Variants in MACROD2 observed in about 807,000 individuals in gnomAD.
MACROD2 encodes the protein mono-ADP ribosylhydrolase 2.
In MACROD2, 36 loss-of-function variants were observed where a neutral mutation model predicts 70.4. That is an observed-to-expected ratio of 0.51 (90% CI 0.39 to 0.68). The LOEUF is 0.68. MACROD2 is among the 30% of genes least tolerant of loss of function. MACROD2 has a pLI of 0.00. For synonymous variants in MACROD2, 172 were observed against 178.8 expected (o/e 0.96, Z 0.30); for missense variants, 496 against 538.4 (o/e 0.92, Z 0.78).
intron 5 of MACROD2, among the ~76,000 whole-genome samples, chr20:15,172,509 C>T (rs1287118830): frequency 6.6e-6 from 1 of 152,178 alleles, no homozygotes; most frequent in African/African-American, 2.4e-5. Flanking sequence ...GCCTCAGCCT[C>T]CTGAGTGGCT....
chr20:14,607,247 G>T (rs1982863998), intron 4 of MACROD2, among the ~76,000 whole-genome samples: 1 of 152,084 alleles, frequency 6.6e-6, no homozygotes, highest in African/African-American at 2.4e-5. Flanking sequence ...TGTAAAGGTG[G>T]CATCCAATAG....
At chr20:15,080,062 T>C (rs1218318653) in intron 5 of MACROD2, among the ~76,000 whole-genome samples, 1 of 142,784 alleles carries the variant, frequency 7.0e-6, no homozygotes, top group Non-Finnish European at 1.6e-5. Flanking sequence ...GCCTTAGCCA[T>C]ATTTTTTCTT....
intron 15 of MACROD2, among the ~76,000 whole-genome samples, chr20:16,007,004 A>G (rs1033100484): frequency 1.3e-5 from 2 of 152,228 alleles, no homozygotes; most frequent in African/African-American, 2.4e-5. Flanking sequence ...TACAATCACA[A>G]CTTAGAGGAA....
intron 3 of MACROD2, among the ~76,000 whole-genome samples, chr20:14,271,245 A>G (rs1208492489): frequency 2.6e-5 from 4 of 152,160 alleles, no homozygotes; most frequent in Non-Finnish European, 5.9e-5. Context: ...GGCACCCCCC[A>G]GTAGGGGCAG....
chr20:15,206,565 C>T (rs1272364385), intron 5 of MACROD2, among the ~76,000 whole-genome samples: 2 of 151,648 alleles, frequency 1.3e-5, no homozygotes, highest in African/African-American at 4.9e-5. Context: ...TCTATTTTCC[C>T]TCATGGCCAA....
At chr20:14,130,620 A>G (rs1403423748) in intron 3 of MACROD2, among the ~76,000 whole-genome samples, 4 of 152,162 alleles carry the variant, frequency 2.6e-5, no homozygotes, top group African/African-American at 9.7e-5. Flanking sequence ...TATTCCCACT[A>G]TTTTAATGGC....
intron 8 of MACROD2, among the ~76,000 whole-genome samples, chr20:15,659,729 G>C (rs459448): frequency 0.45 from 68,917 of 151,932 alleles, 15,664 homozygotes; most frequent in African/African-American, 0.46. Flanking sequence ...GGTTTGTATG[G>C]CTCACAGTTT....
chr20:14,618,340 T>C (rs911048401), intron 4 of MACROD2, among the ~76,000 whole-genome samples: 10 of 152,140 alleles, frequency 6.6e-5, no homozygotes, highest in African/African-American at 2.2e-4. Flanking sequence ...CAAATACAGA[T>C]GTTTTGGAAA....
chr20:15,709,232 G>A (rs1279067247), intron 8 of MACROD2, among the ~76,000 whole-genome samples: 1 of 152,212 alleles, frequency 6.6e-6, no homozygotes, highest in East Asian at 1.9e-4. Context: ...TGGCCCTGCA[G>A]ATGGCGGTGA....
intron 3 of MACROD2, among the ~76,000 whole-genome samples, chr20:14,284,831 T>A (rs1386084716): frequency 6.6e-6 from 1 of 152,188 alleles, no homozygotes; most frequent in Non-Finnish European, 1.5e-5. Context: ...TTTTGGAGAG[T>A]TCACACTTCA....
intron 3 of MACROD2, among the ~76,000 whole-genome samples, chr20:14,336,985 G>T (rs1193572349): frequency 3.3e-5 from 5 of 152,178 alleles, no homozygotes; most frequent in African/African-American, 1.2e-4. Flanking sequence ...TGGGCTGAGG[G>T]ATTATTGATT....
intron 5 of MACROD2, among the ~76,000 whole-genome samples, chr20:14,789,142 T>C (rs2072415528): frequency 6.6e-6 from 1 of 152,046 alleles, no homozygotes; most frequent in Non-Finnish European, 1.5e-5. Flanking sequence ...GACTTTTATA[T>C]ATACTATTCT....
intron 10 of MACROD2, among the ~76,000 whole-genome samples, chr20:15,894,871 T>C (rs1329481986): frequency 6.6e-6 from 1 of 152,240 alleles, no homozygotes; most frequent in Non-Finnish European, 1.5e-5. Context: ...TGTTAAGCTT[T>C]GTTACTGCCT....
chr20:14,154,061 T>G (rs925557410), intron 3 of MACROD2, among the ~76,000 whole-genome samples: 16 of 152,230 alleles, frequency 1.1e-4, no homozygotes, highest in Admixed American at 7.2e-4. Flanking sequence ...TTCCCAAGAC[T>G]TTGAACTGAT....
At chr20:15,141,214 A>T (rs1440202212) in intron 5 of MACROD2, among the ~76,000 whole-genome samples, 1 of 151,940 alleles carries the variant, frequency 6.6e-6, no homozygotes, top group African/African-American at 2.4e-5. Context: ...ATAGATATAC[A>T]TGTGTTTGCA....
intron 8 of MACROD2, among the ~76,000 whole-genome samples, chr20:15,747,547 G>A (rs2051202452): frequency 6.6e-6 from 1 of 152,130 alleles, no homozygotes; most frequent in South Asian, 2.1e-4. Context: ...TTTTTAAATA[G>A]TATTGTTATG....
chr20:14,487,461 G>A (rs2084748569), intron 3 of MACROD2, among the ~76,000 whole-genome samples: 1 of 152,132 alleles, frequency 6.6e-6, no homozygotes, highest in East Asian at 1.9e-4. Context: ...TCTGGAATTG[G>A]AGCTAGGTCT....
intron 8 of MACROD2, among the ~76,000 whole-genome samples, chr20:15,543,496 T>C (rs1468404039): frequency 6.6e-6 from 1 of 152,034 alleles, no homozygotes; most frequent in African/African-American, 2.4e-5. Flanking sequence ...TAATGTCATT[T>C]TTAAATTTTC....
chr20:14,186,649 A>G (rs1190443194), intron 3 of MACROD2, among the ~76,000 whole-genome samples: 2 of 152,196 alleles, frequency 1.3e-5, no homozygotes, highest in African/African-American at 4.8e-5. Flanking sequence ...ATTCACTCAT[A>G]TGTTCATTGC....
Sources: allele counts gnomAD v4.1 joint callset (sites outside exome capture counted in the v4.1 genomes callset), GRCh38; gene constraint gnomAD v4.1.1; transcripts MANE v1.5; gene names NCBI Gene and HGNC (gene_info 2026-07-23, HGNC 2026-07-21).